The following COL14A1 variants were observed in gnomAD, a reference collection of about 807,000 sequenced individuals.
COL14A1 encodes the protein collagen type XIV alpha 1 chain, also known as collagen alpha-1(XIV) chain.
In COL14A1, 136 loss-of-function variants were observed where a neutral mutation model predicts 230.3. The observed-to-expected ratio is 0.59, with a 90% CI of 0.51 to 0.68. COL14A1 has a LOEUF of 0.68. COL14A1 is among the 30% of genes least tolerant of loss of function. COL14A1 has a pLI of 0.00. For missense variants in COL14A1, 1,976 were observed against 2,215.8 expected, an observed-to-expected ratio of 0.89 and a Z score of 2.17; for synonymous variants, 792 against 784.1, an observed-to-expected ratio of 1.01 and a Z score of -0.17.
At chr8:120,155,004 G>A (rs914904566) in intron 2 of COL14A1, among the ~76,000 whole-genome samples, 1 of 152,032 alleles carries the variant, frequency 6.6e-6, no homozygotes, top group Non-Finnish European at 1.5e-5. Context: ...GTGACCTCAG[G>A]CCTCTTTCTT....
chr8:120,311,038 T>G (rs1036135464), intron 37 of COL14A1, among the ~76,000 whole-genome samples: 11 of 152,258 alleles, frequency 7.2e-5, no homozygotes, highest in Middle Eastern at 3.4e-3. Context: ...ACCATAAAAT[T>G]GGAAACAGAT....
chr8:120,359,197 G>C (rs1823098947), intron 45 of COL14A1, among the ~76,000 whole-genome samples: 1 of 151,930 alleles, frequency 6.6e-6, no homozygotes, highest in South Asian at 2.1e-4. Context: ...GCATGCATTA[G>C]ATATTTGTCC....
chr8:120,255,271 A>G lies in COL14A1; in HGVS notation c.2784A>G (p.Lys928=). The change falls in exon 23 of 48, where the codon AAA becomes AAG. Residue 928 remains lysine (K), a synonymous_variant. Transcript: ENST00000297848. ...TGGGTGTTACCAATCTCCAAGCCAA[A>G]CATGTTGAAATGACCAGCTTGTGTG... is the stretch of plus-strand genomic sequence containing the variant. ...LFLGVTNLQA[K]HVEMTSLCAH... 6.2e-7 allele frequency: 1 copy of G among 1,614,114 alleles called. No homozygotes were observed. Among genetic ancestry groups the G allele is most frequent in the East Asian group, 2.2e-5 (1 of 44,874 alleles).
intron 19 of COL14A1, among the ~76,000 whole-genome samples, chr8:120,240,305 G>T (rs942803589): frequency 1.3e-5 from 2 of 151,968 alleles, no homozygotes; most frequent in Non-Finnish European, 2.9e-5. Flanking sequence ...ATTTACAGGT[G>T]CCCTCTCAGG....
intron 2 of COL14A1, among the ~76,000 whole-genome samples, chr8:120,150,094 T>G (rs1276436525): frequency 6.6e-6 from 1 of 152,172 alleles, no homozygotes; most frequent in African/African-American, 2.4e-5. Context: ...ATTTTTTGCC[T>G]TCAACCAGGT....
intron 23 of COL14A1, among the ~76,000 whole-genome samples, chr8:120,260,845 A>T (rs1819300470): frequency 6.6e-6 from 1 of 152,206 alleles, no homozygotes; most frequent in African/African-American, 2.4e-5. Context: ...TATGCACTCA[A>T]CAGCTCTCAG....
At chr8:120,337,401 TAAAA>T (rs60418574) in intron 42 of COL14A1, among the ~76,000 whole-genome samples, 5 of 129,440 alleles carry the variant, frequency 3.9e-5, no homozygotes, top group Admixed American at 8.1e-5. Flanking sequence ...GTCTCAAAAT[TAAAA>T]AAAAAAAAAA....
chr8:120,203,108 A>C (rs1448606883), intron 8 of COL14A1, among the ~76,000 whole-genome samples: 2 of 150,116 alleles, frequency 1.3e-5, no homozygotes, highest in Non-Finnish European at 3.0e-5. Context: ...TGCTGGTTTA[A>C]TTACTATTGC....
chr8:120,309,074 G>A (rs6469912), intron 36 of COL14A1, among the ~76,000 whole-genome samples: 100,053 of 151,882 alleles, frequency 0.66, 34,605 homozygotes, highest in African/African-American at 0.89. Flanking sequence ...AGCTGGGACT[G>A]CAGGCACCCG....
intron 5 of COL14A1, among the ~76,000 whole-genome samples, chr8:120,192,323 A>G (rs1816855509): frequency 6.6e-6 from 1 of 152,140 alleles, no homozygotes; most frequent in Non-Finnish European, 1.5e-5. Flanking sequence ...TTGGCTGGAT[A>G]TGAAATTCTG....
intron 13 of COL14A1, among the ~76,000 whole-genome samples, chr8:120,213,026 T>G (rs1224483446): frequency 6.6e-6 from 1 of 152,198 alleles, no homozygotes; most frequent in Non-Finnish European, 1.5e-5. Context: ...GTGAAAACAC[T>G]CAGCACATAG....
At chr8:120,245,076 G>A (rs1457754102) in intron 20 of COL14A1, among the ~76,000 whole-genome samples, 1 of 152,092 alleles carries the variant, frequency 6.6e-6, no homozygotes, top group Non-Finnish European at 1.5e-5. Context: ...CCTTCTACAT[G>A]GTATATGCTT....
At chr8:120,276,938 C>T (rs1300547644) in intron 26 of COL14A1, among the ~76,000 whole-genome samples, 3 of 152,122 alleles carry the variant, frequency 2.0e-5, no homozygotes, top group African/African-American at 7.2e-5. Context: ...TTGCAGGAGA[C>T]TTTATAAAAA....
chr8:120,212,250 A>G (rs996260064), intron 12 of COL14A1, among the ~76,000 whole-genome samples, 198 bp from the exon 13 acceptor site: 2 of 152,210 alleles, frequency 1.3e-5, no homozygotes, highest in African/African-American at 4.8e-5. Context: ...TTTTCGACTT[A>G]TATGGTTCCA....
At chr8:120,349,304 C>T (rs901106188) in intron 45 of COL14A1, among the ~76,000 whole-genome samples, 1 of 148,790 alleles carries the variant, frequency 6.7e-6, no homozygotes, top group African/African-American at 2.5e-5. Context: ...AACAGAAAAA[C>T]TGGAAGCTCT....
chr8:120,339,036 TG>T (rs1822187787), intron 42 of COL14A1, among the ~76,000 whole-genome samples: 1 of 152,158 alleles, frequency 6.6e-6, no homozygotes, highest in African/African-American at 2.4e-5. Context: ...AAAAATTTTA[TG>T]ATGGAACGCC....
intron 25 of COL14A1, among the ~76,000 whole-genome samples, chr8:120,268,021 T>G (rs1819547920): frequency 6.6e-6 from 1 of 151,836 alleles, no homozygotes; most frequent in African/African-American, 2.4e-5. Flanking sequence ...TTAAAGCCAG[T>G]AGATTCAAAT....
chr8:120,193,553 TG>T (rs928630225), intron 5 of COL14A1, among the ~76,000 whole-genome samples: 1 of 152,184 alleles, frequency 6.6e-6, no homozygotes, highest in Admixed American at 6.5e-5. Context: ...AGCTGCATGC[TG>T]GGAGAACCAC....
intron 45 of COL14A1, among the ~76,000 whole-genome samples, chr8:120,348,984 C>T (rs1822643823): frequency 6.6e-6 from 1 of 152,114 alleles, no homozygotes; most frequent in African/African-American, 2.4e-5. Flanking sequence ...CCCTAATGTC[C>T]CTGTCTGACA....
Sources: allele counts gnomAD v4.1 joint callset (sites outside exome capture counted in the v4.1 genomes callset), GRCh38; gene constraint gnomAD v4.1.1; transcripts MANE v1.5; gene names NCBI Gene and HGNC (gene_info 2026-07-23, HGNC 2026-07-21).